SNX6: variants seen among roughly 807,000 people sequenced by gnomAD.
The protein encoded by SNX6 is sorting nexin 6, also known as sorting nexin-6.
Under a neutral mutation model 63.0 loss-of-function variants are expected in SNX6, and 34 were observed. That is an observed-to-expected ratio of 0.54 (90% CI 0.41 to 0.72). The LOEUF is 0.72. Among genes scored for constraint, SNX6 ranks in the 30% least tolerant of loss-of-function variants. SNX6 has a pLI of 0.00. For synonymous variants in SNX6, 170 were observed against 164.2 expected (o/e 1.04, Z -0.27); for missense variants, 398 against 471.4 (o/e 0.84, Z 1.44).
At chr14:34,601,467 G>A (rs866574765) in intron 6 of SNX6, among the ~76,000 whole-genome samples, 1 of 151,654 alleles carries the variant, frequency 6.6e-6, no homozygotes, top group African/African-American at 2.4e-5. Context: ...CTCGTGATCC[G>A]CCCACCTCGG....
chr14:34,628,356 G>A (rs1479642200), intron 2 of SNX6, among the ~76,000 whole-genome samples: 3 of 152,208 alleles, frequency 2.0e-5, no homozygotes, highest in East Asian at 3.8e-4. Context: ...CTACTCGGGA[G>A]GCTGAGGCAG....
intron 8 of SNX6, among the ~76,000 whole-genome samples, chr14:34,590,430 CAA>C (rs60755736): frequency 3.4e-4 from 29 of 84,296 alleles, no homozygotes; most frequent in Admixed American, 1.2e-3. Flanking sequence ...GACTTCGTCT[CAA>C]AAAAAAAAAA....
chr14:34,605,524 T>G (rs1882982020), intron 5 of SNX6, 72 bp downstream of exon 5: 1 of 1,344,048 alleles, frequency 7.4e-7, no homozygotes, highest in Non-Finnish European at 9.9e-7. Context: ...AAAAAAGGCA[T>G]TAAAGCAAGC....
intron 7 of SNX6, among the ~76,000 whole-genome samples, chr14:34,595,269 C>G (rs1191782214): frequency 2.0e-5 from 3 of 152,094 alleles, no homozygotes; most frequent in Non-Finnish European, 2.9e-5. Context: ...TCCCGAGTAG[C>G]TGGGATTACA....
intron 2 of SNX6, among the ~76,000 whole-genome samples, chr14:34,609,970 A>T (rs561604173): frequency 2.9e-4 from 44 of 152,266 alleles, no homozygotes; most frequent in Middle Eastern, 3.4e-3. Context: ...ATTTTATAGT[A>T]TTCAACTATA....
At chr14:34,626,668 C>CA (rs56118978) in intron 2 of SNX6, among the ~76,000 whole-genome samples, 38 of 126,522 alleles carry the variant, frequency 3.0e-4, no homozygotes, top group Non-Finnish European at 3.2e-4. Flanking sequence ...GACTCCATTT[C>CA]AAAAAAAAAA....
At chr14:34,570,252 AG>A (rs1881384729) in intron 11 of SNX6, among the ~76,000 whole-genome samples, 1 of 151,828 alleles carries the variant, frequency 6.6e-6, no homozygotes, top group Non-Finnish European at 1.5e-5. Context: ...TATTTTTAGT[AG>A]AGACAGGGTT....
At chr14:34,602,534 T>C (rs1202147611) in intron 6 of SNX6, among the ~76,000 whole-genome samples, 4 of 143,658 alleles carry the variant, frequency 2.8e-5, no homozygotes, top group Non-Finnish European at 6.0e-5. Flanking sequence ...GAGGTCACAG[T>C]GAGCCAAGAT....
intron 10 of SNX6, among the ~76,000 whole-genome samples, chr14:34,581,135 C>T (rs181813284): frequency 3.2e-3 from 488 of 152,250 alleles, no homozygotes; most frequent in Non-Finnish European, 4.8e-3. Context: ...TTTAAATCGC[C>T]AAACGGTTAA....
At chr14:34,600,431 TTTC>T (rs201879419) in intron 6 of SNX6, among the ~76,000 whole-genome samples, 4,395 of 151,396 alleles carry the variant, frequency 0.029, 173 homozygotes, top group African/African-American at 0.093. Context: ...GGCATTTTTC[TTTC>T]TTCTTCTTCT....
At chr14:34,599,499 A>G (rs963208978) in intron 6 of SNX6, among the ~76,000 whole-genome samples, 16 of 151,832 alleles carry the variant, frequency 1.1e-4, no homozygotes. Flanking sequence ...CCCAGCTACT[A>G]GGGAGACTGA....
At chr14:34,568,233 A>AT (rs143514066) in intron 11 of SNX6, among the ~76,000 whole-genome samples, 4,120 of 138,214 alleles carry the variant, frequency 0.03, 163 homozygotes, top group African/African-American at 0.094. Flanking sequence ...CAACCTCTGA[A>AT]TTTTTTTTTT....
chr14:34,572,505 T>C (rs1418999761), intron 11 of SNX6, among the ~76,000 whole-genome samples: 1 of 152,218 alleles, frequency 6.6e-6, no homozygotes, highest in East Asian at 1.9e-4. Flanking sequence ...ACAGTGTATT[T>C]ATAAGTACCT....
At chr14:34,568,982 C>G in intron 11 of SNX6, 1 of 1,449,442 alleles carries the variant, frequency 6.9e-7, no homozygotes, top group Non-Finnish European at 9.7e-7. Flanking sequence ...CAGTTCTCAT[C>G]GTAGGGAGCA....
At chr14:34,615,672 G>A (rs1003365181) in intron 2 of SNX6, among the ~76,000 whole-genome samples, 7 of 151,588 alleles carry the variant, frequency 4.6e-5, no homozygotes, top group South Asian at 2.1e-4. Flanking sequence ...GGAGTGCAGC[G>A]GTGCAATCAT....
intron 2 of SNX6, among the ~76,000 whole-genome samples, chr14:34,615,302 C>G (rs1883376973): frequency 6.6e-6 from 1 of 152,122 alleles, no homozygotes; most frequent in Non-Finnish European, 1.5e-5. Flanking sequence ...TATAGGCCAC[C>G]TACCATACTC....
intron 3 of SNX6, among the ~76,000 whole-genome samples, chr14:34,608,827 G>A (rs892341983): frequency 3.3e-5 from 5 of 151,470 alleles, no homozygotes; most frequent in Non-Finnish European, 5.9e-5. Context: ...TCAGGAGTTC[G>A]AGACCACCCT....
chr14:34,619,427 A>AATAT (rs1044388533), intron 2 of SNX6, among the ~76,000 whole-genome samples: 1 of 150,916 alleles, frequency 6.6e-6, no homozygotes, highest in Non-Finnish European at 1.5e-5. Context: ...GTCTCAAAAA[A>AATAT]ATATATATAT....
intron 10 of SNX6, among the ~76,000 whole-genome samples, chr14:34,576,098 GTATTTT>G (rs1881687838): frequency 6.6e-6 from 1 of 150,920 alleles, no homozygotes; most frequent in Non-Finnish European, 1.5e-5. Context: ...TATTTTTTTT[GTATTTT>G]TTAGTAGAGA....
Sources: allele counts gnomAD v4.1 joint callset (sites outside exome capture counted in the v4.1 genomes callset), GRCh38; gene constraint gnomAD v4.1.1; transcripts MANE v1.5; gene names NCBI Gene and HGNC (gene_info 2026-07-23, HGNC 2026-07-21).